Variants in SCFD2 observed in about 807,000 individuals in gnomAD.
SCFD2 encodes the protein sec1 family domain-containing protein 2.
SCFD2 carries 54 observed loss-of-function variants against 58.9 expected under a neutral mutation model. That is an observed-to-expected ratio of 0.92 (90% CI 0.74 to 1.15). The LOEUF (loss-of-function observed/expected upper bound fraction) is 1.15. Ranked by LOEUF, SCFD2 falls within the 50% of genes most tolerant of loss-of-function variation. The pLI, the probability that SCFD2 is intolerant of heterozygous loss-of-function variation, is 0.00. For missense variants in SCFD2, 805 were observed against 836.6 expected (o/e 0.96, Z 0.47); for synonymous variants, 321 against 335.9 (o/e 0.96, Z 0.49).
chr4:52,990,933 C>A (rs2109582418), intron 5 of SCFD2, among the ~76,000 whole-genome samples: 1 of 152,304 alleles, frequency 6.6e-6, no homozygotes, highest in Admixed American at 6.5e-5. Context: ...GTGGGAAAGT[C>A]TGGACTGACC....
intron 5 of SCFD2, among the ~76,000 whole-genome samples, chr4:53,009,822 T>C (rs1722057283): frequency 6.6e-6 from 1 of 152,210 alleles, no homozygotes; most frequent in Admixed American, 6.5e-5. Flanking sequence ...GCTATCTTTC[T>C]GGAGGAACAA....
chr4:53,298,559 G>T (rs191722198), intron 3 of SCFD2, among the ~76,000 whole-genome samples: 1 of 152,220 alleles, frequency 6.6e-6, no homozygotes, highest in Non-Finnish European at 1.5e-5. Context: ...AACCTCTGCA[G>T]ACTTACATGT....
chr4:53,164,674 T>A (rs1353327415), intron 4 of SCFD2, among the ~76,000 whole-genome samples: 1 of 151,500 alleles, frequency 6.6e-6, no homozygotes, highest in Non-Finnish European at 1.5e-5. Context: ...TGCCTGTAGT[T>A]CCGGCCACTC....
In SCFD2 at chr4:53,059,431, G is replaced by A. The variant is rs540937202; in HGVS notation, c.1561+85902C>T. Among the ~76,000 whole-genome samples the A allele has an allele frequency of 3.5e-4, 54 of 152,240 alleles. 1 individual carries two copies. Among genetic ancestry groups the A allele is most frequent in the Admixed American group, 2.4e-3 (36 of 15,280 alleles). ...CCATGTTAGAGATGAAGAAATCATC[G>A]TTTAGAGATGTTACGTATCCAAGGC... On this transcript the variant is annotated intron_variant, in intron 5 of 8. Transcript: ENST00000401642.
intron 4 of SCFD2, among the ~76,000 whole-genome samples, chr4:53,226,363 T>C (rs1729215478): frequency 6.6e-6 from 1 of 152,136 alleles, no homozygotes; most frequent in African/African-American, 2.4e-5. Flanking sequence ...AAAAGACTAC[T>C]AGAAAATACT....
intron 5 of SCFD2, among the ~76,000 whole-genome samples, chr4:53,123,539 G>C (rs180829600): frequency 7.5e-5 from 10 of 132,796 alleles, no homozygotes; most frequent in African/African-American, 1.5e-4. Flanking sequence ...GGGTGGGGGG[G>C]GGGCACTGAC....
At chr4:52,986,206 T>C (rs1034226968) in intron 5 of SCFD2, among the ~76,000 whole-genome samples, 2 of 125,874 alleles carry the variant, frequency 1.6e-5, no homozygotes, top group African/African-American at 5.8e-5. Flanking sequence ...CCCTGAGCAA[T>C]TTAGAGGGGA....
At chr4:53,297,280 T>C (rs1732071829) in intron 3 of SCFD2, among the ~76,000 whole-genome samples, 1 of 152,210 alleles carries the variant, frequency 6.6e-6, no homozygotes, top group African/African-American at 2.4e-5. Flanking sequence ...TCTACATCTC[T>C]TTGTAGGTCT....
intron 5 of SCFD2, among the ~76,000 whole-genome samples, chr4:53,010,538 CG>C (rs1047434386): frequency 2.6e-5 from 4 of 152,206 alleles, no homozygotes; most frequent in African/African-American, 9.6e-5. Flanking sequence ...ACATTCTTGG[CG>C]GAAATCCCTG....
At chr4:53,117,792 C>A (rs1725367446) in intron 5 of SCFD2, among the ~76,000 whole-genome samples, 1 of 152,096 alleles carries the variant, frequency 6.6e-6, no homozygotes, top group Middle Eastern at 3.4e-3. Context: ...TACCAAAACA[C>A]CACATGCAAT....
At chr4:53,259,953 C>T (rs1730779904) in intron 4 of SCFD2, among the ~76,000 whole-genome samples, 1 of 130,808 alleles carries the variant, frequency 7.6e-6, no homozygotes, top group Admixed American at 8.7e-5. Flanking sequence ...AGATATATAA[C>T]CAGGTATTTT....
chr4:53,081,508 T>C (rs1171657971), intron 5 of SCFD2, among the ~76,000 whole-genome samples: 1 of 152,196 alleles, frequency 6.6e-6, no homozygotes, highest in Non-Finnish European at 1.5e-5. Context: ...TATTTGGTTT[T>C]CCATTCCTAT....
At chr4:53,184,047 C>G (rs1317209109) in intron 4 of SCFD2, among the ~76,000 whole-genome samples, 1 of 152,138 alleles carries the variant, frequency 6.6e-6, no homozygotes, top group Non-Finnish European at 1.5e-5. Flanking sequence ...ATAACGTAAC[C>G]TACTCCTAGA....
intron 4 of SCFD2, among the ~76,000 whole-genome samples, chr4:53,196,154 T>C (rs1238406562): frequency 2.6e-5 from 4 of 152,178 alleles, no homozygotes; most frequent in Non-Finnish European, 1.5e-5. Context: ...TAAATGATCA[T>C]TTTCTCCTTT....
chr4:53,297,445 C>A (rs572945169), intron 3 of SCFD2, among the ~76,000 whole-genome samples: 2 of 151,958 alleles, frequency 1.3e-5, no homozygotes, highest in African/African-American at 4.8e-5. Flanking sequence ...TTGTGTCAGA[C>A]TAGAATTGCA....
chr4:53,327,013 AAAC>A (rs1228586005), intron 2 of SCFD2, among the ~76,000 whole-genome samples: 1 of 151,924 alleles, frequency 6.6e-6, no homozygotes. Flanking sequence ...AGAAAAAAAA[AAAC>A]AACAACAAAA....
intron 5 of SCFD2, among the ~76,000 whole-genome samples, chr4:52,944,400 T>G (rs1720369552): frequency 1.3e-5 from 2 of 152,190 alleles, no homozygotes; most frequent in African/African-American, 4.8e-5. Context: ...TGCCCAAATA[T>G]CTGGGACTTA....
chr4:52,963,884 T>A (rs567880210), intron 5 of SCFD2, among the ~76,000 whole-genome samples: 1 of 152,322 alleles, frequency 6.6e-6, no homozygotes, highest in Non-Finnish European at 1.5e-5. Context: ...CATTAAAAGT[T>A]CCATATTGTG....
Position 52,965,519 on chromosome 4 carries a change from A to G in SCFD2, c.1562-44649T>C, listed in dbSNP as rs1025196760. ...CATGTTTATTGGTCAGAATCTGTGC[A>G]TGCCCAATTTCCACAGCACTGTGCA... On this transcript the variant is annotated intron_variant, in intron 5 of 8. Transcript: ENST00000401642. Among the ~76,000 whole-genome samples, 8 of 152,356 alleles carry G rather than the reference A, an allele frequency of 5.3e-5. No individual in the cohort carries two copies. The East Asian group carries it at 1.2e-3, about 22-fold the overall frequency.
Sources: allele counts gnomAD v4.1 joint callset (sites outside exome capture counted in the v4.1 genomes callset), GRCh38; gene constraint gnomAD v4.1.1; transcripts MANE v1.5; gene names NCBI Gene and HGNC (gene_info 2026-07-23, HGNC 2026-07-21).